The following EPHA4 variants were observed in gnomAD, a reference collection of about 807,000 sequenced individuals.
The protein encoded by EPHA4 is EPH receptor A4, also known as ephrin type-A receptor 4.
EPHA4 carries 19 observed loss-of-function variants against 108.3 expected under a neutral mutation model. That is an observed-to-expected ratio of 0.18 (90% CI 0.12 to 0.26). The LOEUF is 0.26. Among genes scored for constraint, EPHA4 ranks in the 10% least tolerant of loss-of-function variants. The pLI is 1.00. For synonymous variants in EPHA4, 449 were observed against 455.5 expected (o/e 0.99, Z 0.18); for missense variants, 917 against 1,254.0 (o/e 0.73, Z 4.06).
At chr2:221,422,082 A>G (rs1559232508) in intron 17 of EPHA4, 1 of 152,060 alleles carries the variant, frequency 6.6e-6, no homozygotes. Flanking sequence ...TTTAAAAAAA[A>G]AAAAAAAAAT....
intron 3 of EPHA4, among the ~76,000 whole-genome samples, chr2:221,504,481 G>T (rs1459928451): frequency 6.6e-6 from 1 of 151,904 alleles, no homozygotes; most frequent in Non-Finnish European, 1.5e-5. Flanking sequence ...ATTGATGTGT[G>T]TACGTGACAG....
At position 221,525,388 on chromosome 2, in the gene EPHA4, G is replaced by A. The variant is rs192821225; in HGVS notation, c.824-24216C>T. ...AGGAAAACGAGTTACCATATGCTCC[G>A]TAAATTTCCTTTCGGTTAAAAAAGA... On this transcript the variant is annotated intron_variant, in intron 3 of 17. Transcript: ENST00000281821. 1.8e-3 allele frequency among the ~76,000 whole-genome samples: 276 copies of A among 152,276 alleles called. 7 individuals carry two copies. Among genetic ancestry groups the A allele is most frequent in the Admixed American group, 0.013 (203 of 15,302 alleles).
chr2:221,563,331 C>G (rs571370170), intron 3 of EPHA4, among the ~76,000 whole-genome samples: 6 of 152,164 alleles, frequency 3.9e-5, no homozygotes, highest in Non-Finnish European at 8.8e-5. Context: ...ATGCAGAAGA[C>G]GGGAGATATT....
chr2:221,499,749 TATATATA>T (rs1301457165), intron 4 of EPHA4, among the ~76,000 whole-genome samples: 701 of 49,778 alleles, frequency 0.014, 9 homozygotes, highest in African/African-American at 0.041. Flanking sequence ...TATATATATA[TATATATA>T]TTTTTTTTTT....
chr2:221,505,514 T>A (rs1055135351), intron 3 of EPHA4, among the ~76,000 whole-genome samples: 1 of 151,972 alleles, frequency 6.6e-6, no homozygotes, highest in Non-Finnish European at 1.5e-5. Context: ...TTAGTAGAGA[T>A]GGAGTTTCAC....
At chr2:221,539,929 T>G (rs1693782918) in intron 3 of EPHA4, among the ~76,000 whole-genome samples, 1 of 152,134 alleles carries the variant, frequency 6.6e-6, no homozygotes, top group African/African-American at 2.4e-5. Context: ...TTCTTTTTGT[T>G]TTTTCTGAGA....
At chr2:221,456,172 T>TAA (rs79021977) in intron 7 of EPHA4, among the ~76,000 whole-genome samples, 11,794 of 140,552 alleles carry the variant, frequency 0.084, 604 homozygotes, top group East Asian at 0.27. Flanking sequence ...AAAGGGTCTT[T>TAA]AAAAAAAAAA....
At chr2:221,513,985 C>G (rs1014830484) in intron 3 of EPHA4, among the ~76,000 whole-genome samples, 1 of 151,984 alleles carries the variant, frequency 6.6e-6, no homozygotes, top group Non-Finnish European at 1.5e-5. Context: ...GATGAGAGCC[C>G]CAAAAGCTTG....
intron 3 of EPHA4, among the ~76,000 whole-genome samples, chr2:221,519,615 G>A (rs1475472912): frequency 3.9e-5 from 6 of 152,110 alleles, no homozygotes. Context: ...TACTTTCAAT[G>A]GCAAAAACCG....
At chr2:221,424,687 T>G (rs1689848605) in intron 17 of EPHA4, among the ~76,000 whole-genome samples, 1 of 152,166 alleles carries the variant, frequency 6.6e-6, no homozygotes, top group Non-Finnish European at 1.5e-5. Context: ...GGCATCTTGG[T>G]GAATCCTCTT....
At chr2:221,468,516 G>C (rs554559782) in intron 5 of EPHA4, among the ~76,000 whole-genome samples, 1 of 152,074 alleles carries the variant, frequency 6.6e-6, no homozygotes, top group Admixed American at 6.6e-5. Flanking sequence ...GCTGCTAATC[G>C]TCCTGCTGTG....
chr2:221,446,186 T>C lies in EPHA4; in HGVS notation c.1716-5A>G. 1 of 1,497,908 alleles carries C rather than the reference T, an allele frequency of 6.7e-7. No individual in the cohort carries two copies. Among genetic ancestry groups the C allele is most frequent in the Non-Finnish European group, 8.9e-7 (1 of 1,123,472 alleles). The allele number at this position is 1,497,908 out of a possible 1,614,324, so 92.8% of individuals were successfully genotyped here. A position where few individuals can be genotyped will look rare whatever the true frequency, so the allele number is the denominator to read the frequency against. On this transcript the variant is annotated splice_region_variant and splice_polypyrimidine_tract_variant and intron_variant, in intron 8 of 17. Coordinates refer to ENST00000281821, the MANE Select transcript of EPHA4 (RefSeq NM_004438.5). ...GCTTTACTGTATTTACTCCGTCTAT[T>C]AAAATTTTTTTAAAAAAGAGAATTA...
At chr2:221,573,483 C>A (rs1559300690), upstream of EPHA4, 1 of 152,306 alleles carries the variant, frequency 6.6e-6, no homozygotes, top group Non-Finnish European at 1.5e-5. The surrounding 1 kb of genome is among the most constrained non-coding windows in gnomAD (Gnocchi z 4.5). Flanking sequence ...CGGTCCCCAA[C>A]GCCACTCGGT....
intron 4 of EPHA4, among the ~76,000 whole-genome samples, chr2:221,494,735 G>A (rs1692253503): frequency 6.6e-6 from 1 of 152,164 alleles, no homozygotes; most frequent in African/African-American, 2.4e-5. Context: ...ACCATCAGAA[G>A]TCTTCCTGCA....
chr2:221,480,562 A>G (rs1691789427), intron 5 of EPHA4, among the ~76,000 whole-genome samples: 1 of 152,196 alleles, frequency 6.6e-6, no homozygotes, highest in Admixed American at 6.5e-5. Context: ...GTTGGCAATC[A>G]CAGAGTACTC....
intron 8 of EPHA4, among the ~76,000 whole-genome samples, chr2:221,448,333 T>C (rs1574571578): frequency 6.6e-6 from 1 of 152,222 alleles, no homozygotes; most frequent in Non-Finnish European, 1.5e-5. Context: ...CACGACTTCA[T>C]AGAGCCTCTC....
rs548961259 is a variant in EPHA4 at position 221,520,649 on chromosome 2, A to G, written c.824-19477T>C. The stretch of plus-strand genomic sequence containing the variant: ...TAATAGATGTATCTTTAGGAAGCAG[A>G]AGTTTTAAACTGAGTAGCCAAGTGT... On this transcript the variant is annotated intron_variant, in intron 3 of 17. Coordinates refer to ENST00000281821, the MANE Select transcript of EPHA4 (RefSeq NM_004438.5). Among the ~76,000 whole-genome samples the G allele has an allele frequency of 6.6e-5, 10 of 152,206 alleles. No homozygotes were observed. In the South Asian group the frequency reaches 2.1e-3, roughly 32 times the overall value.
intron 14 of EPHA4, 71 bp from the exon 15 acceptor site, chr2:221,430,222 G>A (rs911484672): frequency 2.0e-6 from 3 of 1,472,506 alleles, no homozygotes; most frequent in South Asian, 1.4e-5. Context: ...CCTTCCGACT[G>A]GCATGTTTCT....
At chr2:221,501,214 C>A in intron 3 of EPHA4, 42 bp from the exon 4 acceptor site, 1 of 1,504,872 alleles carries the variant, frequency 6.6e-7, no homozygotes, top group South Asian at 1.3e-5. Context: ...GAAACCACTG[C>A]AAATAGACCA....
Sources: gnomAD v4.1 joint callset for allele counts (sites outside exome capture counted in the v4.1 genomes callset) on GRCh38, gnomAD v4.1.1 for gene constraint, Gnocchi (gnomAD v3.1) non-coding constraint, MANE v1.5 for transcripts, NCBI Gene and HGNC (gene_info 2026-07-23, HGNC 2026-07-21) for gene names.